The following MAGI2 variants were observed in gnomAD, a reference collection of about 807,000 sequenced individuals.
MAGI2 encodes the protein membrane associated guanylate kinase, WW and PDZ domain containing 2, also known as membrane-associated guanylate kinase, WW and PDZ domain-containing protein 2.
MAGI2 carries 35 observed loss-of-function variants against 133.3 expected under a neutral mutation model. That is an observed-to-expected ratio of 0.26 (90% CI 0.20 to 0.35). The LOEUF (loss-of-function observed/expected upper bound fraction) is 0.35, where lower values mean the gene tolerates loss of function less well. Among genes scored for constraint, MAGI2 ranks in the 10% least tolerant of loss-of-function variants. The pLI, the probability that MAGI2 is intolerant of heterozygous loss-of-function variation, is 1.00. For missense variants in MAGI2, 1,636 were observed against 1,863.4 expected, an observed-to-expected ratio of 0.88 and a Z score of 2.25; for synonymous variants, 729 against 710.6, an observed-to-expected ratio of 1.03 and a Z score of -0.41.
intron 10 of MAGI2, among the ~76,000 whole-genome samples, chr7:78,243,753 C>G (rs1483773038): frequency 6.6e-6 from 1 of 151,990 alleles, no homozygotes; most frequent in African/African-American, 2.4e-5. Context: ...AACGGGTCAA[C>G]TGAAATTAAC....
intron 11 of MAGI2, among the ~76,000 whole-genome samples, chr7:78,199,619 C>T (rs374279980): frequency 1.3e-5 from 2 of 152,164 alleles, no homozygotes; most frequent in African/African-American, 4.8e-5. Flanking sequence ...TACATTAATG[C>T]CACGCTTCCT....
At chr7:79,210,844 C>T (rs575703534) in intron 1 of MAGI2, among the ~76,000 whole-genome samples, 1 of 152,170 alleles carries the variant, frequency 6.6e-6, no homozygotes, top group Admixed American at 6.5e-5. Context: ...CTTCCTGCAA[C>T]AGTTCATGTC....
At chr7:78,843,837 CATA>C (rs1366926105) in intron 2 of MAGI2, among the ~76,000 whole-genome samples, 2 of 151,178 alleles carry the variant, frequency 1.3e-5, no homozygotes, top group African/African-American at 4.8e-5. Context: ...TAGTTTAATA[CATA>C]ATCATCTAAT....
chr7:78,391,922 T>C (rs1795927088), intron 6 of MAGI2, among the ~76,000 whole-genome samples: 1 of 152,222 alleles, frequency 6.6e-6, no homozygotes, highest in Non-Finnish European at 1.5e-5. Flanking sequence ...TTAGTGATTG[T>C]GGGAAGAATG....
chr7:78,929,530 C>T (rs556191393), intron 2 of MAGI2, among the ~76,000 whole-genome samples: 1 of 152,086 alleles, frequency 6.6e-6, no homozygotes, highest in Admixed American at 6.6e-5. Flanking sequence ...GGAGGGGAGA[C>T]TCTCTTGCCT....
chr7:78,198,619 A>G (rs1222532080), intron 11 of MAGI2, among the ~76,000 whole-genome samples: 1 of 151,956 alleles, frequency 6.6e-6, no homozygotes, highest in East Asian at 1.9e-4. Context: ...TTTAGTAGAG[A>G]CAGGATTTCG....
At chr7:78,737,423 C>T (rs906553519) in intron 2 of MAGI2, among the ~76,000 whole-genome samples, 7 of 152,106 alleles carry the variant, frequency 4.6e-5, no homozygotes, top group African/African-American at 9.7e-5. Context: ...ATATGGTTTT[C>T]GATTCTACAT....
chr7:79,297,594 G>A (rs1466908736), intron 1 of MAGI2, among the ~76,000 whole-genome samples: 2 of 152,216 alleles, frequency 1.3e-5, no homozygotes, highest in East Asian at 3.9e-4. Flanking sequence ...ACAGAATCAC[G>A]AATCAAAAGG....
intron 1 of MAGI2, chr7:79,414,115 C>T (rs970437033): frequency 6.6e-6 from 1 of 152,080 alleles, no homozygotes; most frequent in African/African-American, 2.4e-5. Context: ...TGATACACTG[C>T]CTTAAATAAT....
At chr7:78,164,427 G>C (rs2150628439) in intron 15 of MAGI2, among the ~76,000 whole-genome samples, 2 of 152,328 alleles carry the variant, frequency 1.3e-5, no homozygotes, top group Admixed American at 1.3e-4. Flanking sequence ...GGCAGGAGCA[G>C]CCTACAGGCT....
At chr7:79,128,157 A>G (rs745884465) in intron 1 of MAGI2, among the ~76,000 whole-genome samples, 4 of 151,632 alleles carry the variant, frequency 2.6e-5, no homozygotes, top group African/African-American at 4.8e-5. Flanking sequence ...CCATTGGTCT[A>G]TATCTCTGAA....
At chr7:78,568,497 C>T (rs1801172866) in intron 3 of MAGI2, 1 of 152,214 alleles carries the variant, frequency 6.6e-6, no homozygotes, top group Admixed American at 6.5e-5. Flanking sequence ...GTTGATCAAG[C>T]CCCAAATCTT....
At chr7:79,073,693 C>G (rs917879907) in intron 1 of MAGI2, among the ~76,000 whole-genome samples, 6 of 151,746 alleles carry the variant, frequency 4.0e-5, no homozygotes, top group African/African-American at 9.7e-5. Flanking sequence ...AAAATCTTTC[C>G]CATGTTCTCC....
At chr7:78,271,269 T>G (rs1024232658) in intron 9 of MAGI2, among the ~76,000 whole-genome samples, 2 of 152,164 alleles carry the variant, frequency 1.3e-5, no homozygotes. Flanking sequence ...ATGCATTATG[T>G]TGATTGAACC....
Position 78,641,084 on chromosome 7 carries a change from G to C in MAGI2, c.419-13845C>G, listed in dbSNP as rs191057190. Among the ~76,000 whole-genome samples, 20 of 152,286 alleles carry C rather than the reference G, an allele frequency of 1.3e-4. No homozygotes were observed. The East Asian group carries it at 3.9e-3, about 29-fold the overall frequency. ...TCATTATTCTCCTTGCTGCCACCAT[G>C]TGAAGAAGGACATGTTTGCTTCCCC... On this transcript the variant is annotated intron_variant, in intron 2 of 21. Transcript: ENST00000354212.
At chr7:78,715,236 A>C (rs1425479819) in intron 2 of MAGI2, among the ~76,000 whole-genome samples, 1 of 152,176 alleles carries the variant, frequency 6.6e-6, no homozygotes, top group Non-Finnish European at 1.5e-5. Flanking sequence ...TAACAGCAAG[A>C]AATATACTCA....
At chr7:78,574,423 C>G (rs1802054789) in intron 3 of MAGI2, among the ~76,000 whole-genome samples, 1 of 152,154 alleles carries the variant, frequency 6.6e-6, no homozygotes, top group Non-Finnish European at 1.5e-5. Flanking sequence ...TATATTTTAC[C>G]ATGTATACTG....
At chr7:78,171,125 G>C (rs1446100009) in intron 14 of MAGI2, among the ~76,000 whole-genome samples, 13 of 152,164 alleles carry the variant, frequency 8.5e-5, no homozygotes, top group Non-Finnish European at 1.3e-4. Context: ...CACAGAGATA[G>C]CTCGATATAT....
At chr7:79,268,014 G>A (rs1277729221) in intron 1 of MAGI2, among the ~76,000 whole-genome samples, 1 of 152,166 alleles carries the variant, frequency 6.6e-6, no homozygotes, top group Non-Finnish European at 1.5e-5. Context: ...TACAGTATGA[G>A]TTTAATCGCC....
Sources: gnomAD v4.1 joint callset for allele counts (sites outside exome capture counted in the v4.1 genomes callset) on GRCh38, gnomAD v4.1.1 for gene constraint, MANE v1.5 for transcripts, NCBI Gene and HGNC (gene_info 2026-07-23, HGNC 2026-07-21) for gene names.